CLCNKA: variants seen among roughly 807,000 people sequenced by gnomAD.
The protein encoded by CLCNKA is chloride voltage-gated channel Ka.
A neutral mutation model predicts 83.3 loss-of-function variants in CLCNKA; 66 were observed. That is an observed-to-expected ratio of 0.79 (90% CI 0.65 to 0.97). The LOEUF (loss-of-function observed/expected upper bound fraction) is 0.97, where lower values mean the gene tolerates loss of function less well. Ranked by LOEUF, CLCNKA falls within the 50% of genes least tolerant of loss-of-function variation. CLCNKA has a pLI of 0.00. For synonymous variants in CLCNKA, 357 were observed against 370.4 expected (o/e 0.96, Z 0.42); for missense variants, 806 against 888.7 (o/e 0.91, Z 1.18).
Position 16,029,783 on chromosome 1 carries a change from T to C in CLCNKA, c.1280T>C (p.Met427Thr), listed in dbSNP as rs757017239. The C allele has an allele frequency of 6.2e-7, 1 of 1,614,178 alleles. No homozygotes were observed. The highest frequency in any genetic ancestry group is 1.1e-5 in the South Asian group (1 of 91,084). The change falls in exon 13 of 20, where the codon ATG becomes ACG. Residue 427 changes from methionine (M) to threonine (T), a missense_variant. Coordinates refer to ENST00000331433, the MANE Select transcript of CLCNKA (RefSeq NM_004070.4). ...TTIPMPAGYFMPIFILGAAIG... is the reference protein window; with the variant it reads ...TTIPMPAGYFTPIFILGAAIG... ...ATCCCCATGCCTGCCGGGTACTTCA[T>C]GCCCATCTTTATCCTTGGTGAGTCT...
chr1:16,030,738 G>C, intron 15 of CLCNKA, 64 bp downstream of exon 15: 1 of 1,603,572 alleles, frequency 6.2e-7, no homozygotes, highest in East Asian at 2.2e-5. Context: ...GCTGGGGGTG[G>C]AGGGCACCTC....
At chr1:16,032,578 G>A (rs1264063273) in intron 18 of CLCNKA, 52 bp downstream of exon 18, 1 of 1,373,710 alleles carries the variant, frequency 7.3e-7, no homozygotes, top group East Asian at 2.3e-5. Context: ...CAGGGCAAGA[G>A]CTGATGAGGA....
rs1245582415 is a variant in CLCNKA, at chr1:16,023,988, T to C, written c.229+60T>C. On this transcript the variant is annotated intron_variant, in intron 3 of 19. Transcript: ENST00000331433. ...AGGGATTCTAGGCACGCTCTGGGGA[T>C]ACCAGATGGGCCACCAAGTGCAGCG... 63 of 1,603,640 alleles carry C rather than the reference T, an allele frequency of 3.9e-5. No homozygotes were observed. In the Middle Eastern group the frequency reaches 6.6e-4, roughly 17 times the overall value.
chr1:16,022,688 C>T lies in CLCNKA; in HGVS notation c.69C>T (p.Gly23=), dbSNP rs146306976. The T allele has an allele frequency of 1.8e-4, 280 of 1,551,856 alleles. No individual in the cohort carries two copies. In the African/African-American group the frequency reaches 3.4e-3, roughly 19 times the overall value. ...GDPVTLQELW[G]PCPHIRRAIQ... is the part of the protein sequence containing the mutation. Reference sequence around the variant, plus strand: ...CTGTGACTCTGCAGGAGCTGTGGGGCCCCTGTCCCCACATCCGCCGAGCCA... The same window carrying T: ...CTGTGACTCTGCAGGAGCTGTGGGGTCCCTGTCCCCACATCCGCCGAGCCA... The change falls in exon 2 of 20, where the codon GGC becomes GGT. Residue 23 remains glycine, a synonymous_variant. Transcript: ENST00000331433.
Position 16,026,570 on chromosome 1 carries a change from C to T in CLCNKA, c.533C>T (p.Ala178Val), listed in dbSNP as rs1329698774. The T allele has an allele frequency of 6.2e-7, 1 of 1,614,072 alleles. No individual in the cohort carries two copies. Among genetic ancestry groups the T allele is most frequent in the African/African-American group, 1.3e-5 (1 of 75,040 alleles). ...PFVHLSVMIA[A>V]YLGRVRTTTI... ...GTGCACCTGTCTGTAATGATCGCTG[C>T]CTACCTGGGCCGTGTGCGCACCACG... is the stretch of plus-strand genomic sequence containing the variant. Residue 178 changes from alanine to valine, a missense_variant, in exon 6 of 20, where the codon GCC becomes GTC. Coordinates refer to ENST00000331433, the MANE Select transcript of CLCNKA (RefSeq NM_004070.4).
intron 4 of CLCNKA, 110 bp from the exon 5 acceptor site, chr1:16,025,998 C>T (rs2022329492): frequency 1.4e-6 from 2 of 1,455,550 alleles, no homozygotes; most frequent in Non-Finnish European, 1.9e-6. Context: ...TCGCGATCCG[C>T]CTGCCTCGGC....
At position 16,029,392 on chromosome 1, in the gene CLCNKA, C is replaced by T. The variant is rs550197479; in HGVS notation, c.1227+93C>T. The stretch of plus-strand genomic sequence containing the variant: ...CTCCCTGCACCTGGTGGCATGGAGC[C>T]CAGGCCTCTCACCCACACTTCCTTC... On this transcript the variant is annotated intron_variant, in intron 12 of 19. Coordinates refer to ENST00000331433, the MANE Select transcript of CLCNKA (RefSeq NM_004070.4). 3.2e-6 allele frequency: 5 copies of T among 1,572,612 alleles called. No homozygotes were observed. In the African/African-American group the frequency reaches 6.7e-5, roughly 21 times the overall value.
At chr1:16,027,200 T>G in intron 7 of CLCNKA, 110 bp from the exon 8 acceptor site, 1 of 1,490,090 alleles carries the variant, frequency 6.7e-7, no homozygotes, top group Non-Finnish European at 9.3e-7. Context: ...CTGTCCGGGC[T>G]GTAGGACAGC....
intron 18 of CLCNKA, 84 bp from the exon 19 acceptor site, chr1:16,033,086 T>G (rs1273375421): frequency 7.1e-7 from 1 of 1,417,200 alleles, no homozygotes; most frequent in African/African-American, 1.4e-5. Flanking sequence ...CCCCTCTTCC[T>G]GGCTCAGAGG....
chr1:16,027,734 C>T, intron 8 of CLCNKA, 87 bp from the exon 9 acceptor site: 1 of 1,398,072 alleles, frequency 7.2e-7, no homozygotes, highest in South Asian at 1.3e-5. Flanking sequence ...GACCTGGCAC[C>T]CCCTCCACCC....
In CLCNKA at chr1:16,030,677, G is replaced by A. The variant is rs766534937; in HGVS notation, c.1622+3G>A. 2 of 1,613,142 alleles carry A rather than the reference G, an allele frequency of 1.2e-6. No homozygotes were observed. Among genetic ancestry groups the A allele is most frequent in the Non-Finnish European group, 1.7e-6 (2 of 1,180,052 alleles). On this transcript the variant is annotated splice_donor_region_variant and intron_variant, in intron 15 of 19. Coordinates refer to ENST00000331433, the MANE Select transcript of CLCNKA (RefSeq NM_004070.4). ...CGGATTCTGGGCCGCAACATCGGGTGAGTGGTGCCCACCTCAGGCTGACTG... is the reference window on the plus strand; with the variant it reads ...CGGATTCTGGGCCGCAACATCGGGTAAGTGGTGCCCACCTCAGGCTGACTG...
rs532484195 is a variant in CLCNKA at position 16,032,521 on chromosome 1, C to T, written c.1924C>T (p.His642Tyr). ...GACGCTATTCTCAGAGACCACCTTG[C>T]ACCAGGTAACAAGTATTGGGGAGTG... ...TLTLFSETTL[H>Y]QAQNLFKLLN... The change falls in exon 18 of 20, where the codon CAC (histidine) becomes TAC (tyrosine). Residue 642 changes from histidine to tyrosine, a missense_variant. By Grantham distance (83) the His-to-Tyr change is moderately conservative. Transcript: ENST00000331433. 1 of 1,611,844 alleles carries T rather than the reference C, an allele frequency of 6.2e-7. No individual in the cohort carries two copies. Among genetic ancestry groups the T allele is most frequent in the Admixed American group, 1.7e-5 (1 of 60,020 alleles).
chr1:16,022,160 T>G (rs2022154809), intron 1 of CLCNKA, 97 bp downstream of exon 1: 2 of 153,810 alleles, frequency 1.3e-5, no homozygotes, highest in Non-Finnish European at 2.9e-5. Context: ...CACCTCACTT[T>G]GGCTTTGCAG....
Position 16,024,870 on chromosome 1 carries a change from A to C in CLCNKA, c.337A>C (p.Ser113Arg). 2 of 1,614,106 alleles carry C rather than the reference A, an allele frequency of 1.2e-6. No homozygotes were observed. The highest frequency in any genetic ancestry group is 1.7e-4 in the Middle Eastern group (1 of 6,058). ...LVSFSSGFSQ[S>R]ITPSSGGSGI... The stretch of plus-strand genomic sequence containing the variant: ...CTCTTTCTCCTCAGGCTTCTCCCAG[A>C]GCATCACGCCCTCCTCTGGAGGTGA... Residue 113 changes from serine to arginine, a missense_variant, in exon 4 of 20, where the codon AGC becomes CGC. Coordinates refer to ENST00000331433, the MANE Select transcript of CLCNKA (RefSeq NM_004070.4).
chr1:16,027,490 G>T (rs2022416252), intron 8 of CLCNKA, 55 bp downstream of exon 8: 1 of 1,607,310 alleles, frequency 6.2e-7, no homozygotes, highest in South Asian at 1.1e-5. Flanking sequence ...GGGCGAGGGA[G>T]ACCTCCCTTC....
chr1:16,032,384 T>C, intron 17 of CLCNKA, 59 bp from the exon 18 acceptor site: 1 of 1,557,562 alleles, frequency 6.4e-7, no homozygotes, highest in Non-Finnish European at 8.9e-7. Flanking sequence ...GGAGAGGTGG[T>C]CTGAGAGAGG....
In CLCNKA at chr1:16,026,693, C is replaced by T; in HGVS notation, c.577-4C>T. 1 of 1,613,738 alleles carries T rather than the reference C, an allele frequency of 6.2e-7. No individual in the cohort carries two copies. The highest frequency in any genetic ancestry group is 8.5e-7 in the Non-Finnish European group (1 of 1,179,876). On this transcript the variant is annotated splice_polypyrimidine_tract_variant and splice_region_variant and intron_variant, in intron 6 of 19. Transcript: ENST00000331433. ...ACTCTGAGCCCTGGACTCGGATCCCCCAGAACAAGAGCAAGCAAAACGAAA... is the reference window on the plus strand; with the variant it reads ...ACTCTGAGCCCTGGACTCGGATCCCTCAGAACAAGAGCAAGCAAAACGAAA...
chr1:16,025,482 A>G (rs1225263998), intron 4 of CLCNKA, among the ~76,000 whole-genome samples: 4 of 152,152 alleles, frequency 2.6e-5, no homozygotes, highest in Admixed American at 6.5e-5. Flanking sequence ...CTTGGACAAC[A>G]TGGTGAAACC....
At chr1:16,030,325 T>G (rs148316708) in intron 14 of CLCNKA, 136 bp from the exon 15 acceptor site, 16,468 of 1,157,396 alleles carry the variant, frequency 0.014, 161 homozygotes, top group Middle Eastern at 0.017. Flanking sequence ...CTTGGGGCAC[T>G]TCCCACAGTG....
Sources: allele counts gnomAD v4.1 joint callset (sites outside exome capture counted in the v4.1 genomes callset), GRCh38; gene constraint gnomAD v4.1.1; transcripts MANE v1.5; gene names NCBI Gene and HGNC (gene_info 2026-07-23, HGNC 2026-07-21).